Variants in GOLGA8H observed in about 807,000 individuals in gnomAD.
GOLGA8H encodes the protein golgin A8 family member H.
Under a neutral mutation model 82.7 loss-of-function variants are expected in GOLGA8H, and 47 were observed. That is an observed-to-expected ratio of 0.57 (90% CI 0.45 to 0.73). GOLGA8H has a LOEUF of 0.73. Ranked by LOEUF, GOLGA8H falls within the 30% of genes least tolerant of loss-of-function variation. The pLI is 0.00. For missense variants in GOLGA8H, 372 were observed against 661.0 expected (o/e 0.56, Z 4.79); for synonymous variants, 108 against 241.6 (o/e 0.45, Z 5.13).
At position 30,617,266 on chromosome 15, in the gene GOLGA8H, CTATT is replaced by C. The variant is rs1190129753; in HGVS notation, c.*2708_*2711del. 3.9e-5 allele frequency: 6 copies of C among 151,928 alleles called. No homozygotes were observed. Among genetic ancestry groups the C allele is most frequent in the African/African-American group, 1.5e-4 (6 of 41,324 alleles). The allele number at this position is 151,928 out of a possible 1,614,324, so 9.4% of individuals were successfully genotyped here. On this transcript the variant is annotated 3_prime_UTR_variant, in exon 19 of 19. Coordinates refer to ENST00000566740, the MANE Select transcript of GOLGA8H (RefSeq NM_001282490.2). ...ATTTCTGTAGGAAGAATCAAAACAC[CTATT>C]TAAAGATGGCAATATATAATAATCA...
intron 1 of GOLGA8H, 95 bp downstream of exon 1, chr15:30,604,268 C>G (rs1302595874): frequency 4.0e-6 from 6 of 1,488,836 alleles, no homozygotes; most frequent in South Asian, 1.2e-5. Context: ...CTGAGGCACA[C>G]TGGACTGGTC....
rs747738471 is a variant in GOLGA8H, at chr15:30,610,127, C to G, written c.786+21C>G. ...AGGAGGTGAGATCTCACCCTTCAGCCCCCCCACATTAGATAGGTCACTGGA... is the reference window on the plus strand; with the variant it reads ...AGGAGGTGAGATCTCACCCTTCAGCGCCCCCACATTAGATAGGTCACTGGA... On this transcript the variant is annotated intron_variant, in intron 10 of 18. Coordinates refer to ENST00000566740, the MANE Select transcript of GOLGA8H (RefSeq NM_001282490.2). 8 of 1,609,888 alleles carry G rather than the reference C, an allele frequency of 5.0e-6. No individual in the cohort carries two copies. The Middle Eastern group carries it at 8.5e-4, about 171-fold the overall frequency.
At position 30,610,300 on chromosome 15, in the gene GOLGA8H, A is replaced by C. The variant is rs1380472194; in HGVS notation, c.787-2A>C. On this transcript the variant is annotated splice_acceptor_variant, in intron 10 of 18. Coordinates refer to ENST00000566740, the MANE Select transcript of GOLGA8H (RefSeq NM_001282490.2). LOFTEE classifies it high-confidence loss of function. Reference sequence around the variant, plus strand: ...GGCCCTTTCCCCTTGTGCTTTGGGCAGATTTGCACATTAAAGAAAGAGAAG... The same window carrying C: ...GGCCCTTTCCCCTTGTGCTTTGGGCCGATTTGCACATTAAAGAAAGAGAAG... 6 of 1,201,306 alleles carry C rather than the reference A, an allele frequency of 5.0e-6. No homozygotes were observed. The South Asian group carries it at 6.4e-5, about 13-fold the overall frequency. 74.4% of individuals were successfully genotyped at this position (1,201,306 alleles called of 1,614,324 possible).
rs1335366710 is a variant in GOLGA8H at position 30,615,547 on chromosome 15, T to C, written c.*986T>C. Among the ~76,000 whole-genome samples the C allele has an allele frequency of 6.7e-6, 1 of 149,130 alleles. No homozygotes were observed. Reference sequence around the variant, plus strand: ...TACACAAAAGGGCACTGGTTGGCATTCTTCTTAATGTATTTAGTGAAGATC... The same window carrying C: ...TACACAAAAGGGCACTGGTTGGCATCCTTCTTAATGTATTTAGTGAAGATC... On this transcript the variant is annotated 3_prime_UTR_variant, in exon 19 of 19. Coordinates refer to ENST00000566740, the MANE Select transcript of GOLGA8H (RefSeq NM_001282490.2).
At chr15:30,606,247 C>G (rs965262489) in intron 2 of GOLGA8H, among the ~76,000 whole-genome samples, 3 of 151,186 alleles carry the variant, frequency 2.0e-5, no homozygotes, top group East Asian at 1.9e-4. Flanking sequence ...CCCAGCTACT[C>G]AGAAGGCTGA....
Position 30,615,165 on chromosome 15 carries a change from AT to A in GOLGA8H, c.*605del, listed in dbSNP as rs776280152. On this transcript the variant is annotated 3_prime_UTR_variant, in exon 19 of 19. Transcript: ENST00000566740. ...TTTCTGTGTATTGGTGATGGGAGTG[AT>A]AACCTTTTGGGGGAGCTTTTTAAAT... Among the ~76,000 whole-genome samples, 1 of 150,584 alleles carries A rather than the reference AT, an allele frequency of 6.6e-6. No individual in the cohort carries two copies. The highest frequency in any genetic ancestry group is 2.4e-5 in the African/African-American group (1 of 41,278).
rs561782387 is a variant in GOLGA8H, at chr15:30,608,697, G to C, written c.532G>C (p.Gly178Arg). The change falls in exon 8 of 19, where the codon GGA becomes CGA. Residue 178 changes from glycine to arginine, a missense_variant. Coordinates refer to ENST00000566740, the MANE Select transcript of GOLGA8H (RefSeq NM_001282490.2). Reference sequence around the variant, plus strand: ...CCTGCAACATTCATTGCAGCGTAAAGGAGAGTTAGAGAGTGTTCTCTCTAA... The same window carrying C: ...CCTGCAACATTCATTGCAGCGTAAACGAGAGTTAGAGAGTGTTCTCTCTAA... The part of the protein sequence containing the change: ...VCLQHSLQRK[G>R]ELESVLSNVM... The C allele has an allele frequency of 5.2e-6, 8 of 1,545,264 alleles. 1 individual carries two copies. Among genetic ancestry groups the C allele is most frequent in the African/African-American group, 1.4e-5 (1 of 70,860 alleles).
rs555743772 is a variant in GOLGA8H at position 30,609,862 on chromosome 15, G to A, written c.648G>A (p.Glu216=). 204 of 1,601,134 alleles carry A rather than the reference G, an allele frequency of 1.3e-4. 4 individuals are homozygous for A. The highest frequency in any genetic ancestry group is 7.5e-4 in the South Asian group (68 of 90,746). The part of the protein sequence containing the change: ...TEWKLEQSMR[E]EALLKVQLTQ... ...GGAAGTTAGAGCAGTCCATGCGGGA[G>A]GAGGCACTACTGAAAGTGCAGCTGA... The change falls in exon 9 of 19, where the codon GAG becomes GAA. Residue 216 remains glutamate, a synonymous_variant. Coordinates refer to ENST00000566740, the MANE Select transcript of GOLGA8H (RefSeq NM_001282490.2).
rs1410958858 is a variant in GOLGA8H, at chr15:30,615,119, T to G, written c.*558T>G. ...TTAGAGTTGTTTAAAGGCCAAGAAC[T>G]GGAAACAGCCTTTCCTCCATTTTCT... On this transcript the variant is annotated 3_prime_UTR_variant, in exon 19 of 19. Transcript: ENST00000566740. Among the ~76,000 whole-genome samples the G allele has an allele frequency of 6.6e-6, 1 of 151,898 alleles. No homozygotes were observed. The highest frequency in any genetic ancestry group is 1.5e-5 in the Non-Finnish European group (1 of 67,978).
In GOLGA8H at chr15:30,605,921, C is replaced by A; in HGVS notation, c.127C>A (p.Pro43Thr). ...NRNRKTNGSV[P>T]EKATSGGCQP... is the part of the protein sequence containing the mutation. The stretch of plus-strand genomic sequence containing the variant: ...GAACAGGAAAACAAATGGCAGTGTC[C>A]CTGAGAAAGCCACTTCTGGTGGTTG... The change falls in exon 2 of 19, where the codon CCT becomes ACT. Residue 43 changes from proline to threonine, a missense_variant. Physicochemically the swap from Pro to Thr is conservative, Grantham distance 38. Coordinates refer to ENST00000566740, the MANE Select transcript of GOLGA8H (RefSeq NM_001282490.2). The A allele has an allele frequency of 6.3e-7, 1 of 1,595,422 alleles. No homozygotes were observed. Among genetic ancestry groups the A allele is most frequent in the Non-Finnish European group, 8.5e-7 (1 of 1,176,882 alleles).
At chr15:30,606,079 G>C in intron 2 of GOLGA8H, 117 bp downstream of exon 2, 1 of 1,490,214 alleles carries the variant, frequency 6.7e-7, no homozygotes, top group Non-Finnish European at 8.9e-7. Flanking sequence ...CTTTAGCCGG[G>C]TGTGGTGGCC....
chr15:30,606,529 GT>G (rs1477444384), intron 2 of GOLGA8H, among the ~76,000 whole-genome samples: 1 of 151,582 alleles, frequency 6.6e-6, no homozygotes, highest in Non-Finnish European at 1.5e-5. Context: ...TGTTATTGTT[GT>G]TTTTATGTTA....
Position 30,608,539 on chromosome 15 carries a change from A to G in GOLGA8H, c.469A>G (p.Arg157Gly), listed in dbSNP as rs1254804401. Residue 157 changes from arginine to glycine, a missense_variant, in exon 7 of 19, where the codon AGA becomes GGA. Transcript: ENST00000566740. ...CCTGTACCACATGAAACGTTCTCTCAGATACTTTGAAGGTGGGAATCTGGG... is the reference window on the plus strand; with the variant it reads ...CCTGTACCACATGAAACGTTCTCTCGGATACTTTGAAGGTGGGAATCTGGG... ...TDLYHMKRSL[R>G]YFEEKSKDLA... The G allele has an allele frequency of 6.2e-7, 1 of 1,610,394 alleles. No individual in the cohort carries two copies. Among genetic ancestry groups the G allele is most frequent in the East Asian group, 2.2e-5 (1 of 44,780 alleles).
At position 30,612,653 on chromosome 15, in the gene GOLGA8H, C is replaced by A. The variant is rs781233082; in HGVS notation, c.1257C>A (p.Leu419=). 2.5e-6 allele frequency: 4 copies of A among 1,597,102 alleles called. No homozygotes were observed. In the South Asian group the frequency reaches 4.4e-5, roughly 18 times the overall value. ...AGCAGCTAACGGCCCAGCTGAGCCTCATGGCTCTCCCTGGGGAAGGTACGG... is the reference window on the plus strand; with the variant it reads ...AGCAGCTAACGGCCCAGCTGAGCCTAATGGCTCTCCCTGGGGAAGGTACGG... ...QNQQLTAQLS[L]MALPGEGHGG... Residue 419 remains leucine (L), a synonymous_variant, in exon 14 of 19, where the codon CTC becomes CTA. Coordinates refer to ENST00000566740, the MANE Select transcript of GOLGA8H (RefSeq NM_001282490.2).
In GOLGA8H at chr15:30,616,142, G is replaced by A. The variant is rs1383464330; in HGVS notation, c.*1581G>A. Among the ~76,000 whole-genome samples, 3 of 152,022 alleles carry A rather than the reference G, an allele frequency of 2.0e-5. No individual in the cohort carries two copies. The highest frequency in any genetic ancestry group is 4.4e-5 in the Non-Finnish European group (3 of 68,004). ...ATGCATGATGAATGAATGCATTTCA[G>A]TTGTATATTGCCTAAATCGTAACTT... On this transcript the variant is annotated 3_prime_UTR_variant, in exon 19 of 19. Coordinates refer to ENST00000566740, the MANE Select transcript of GOLGA8H (RefSeq NM_001282490.2).
rs1472882592 is a variant in GOLGA8H at position 30,615,509 on chromosome 15, C to G, written c.*948C>G. On this transcript the variant is annotated 3_prime_UTR_variant, in exon 19 of 19. Coordinates refer to ENST00000566740, the MANE Select transcript of GOLGA8H (RefSeq NM_001282490.2). ...CATGTTACCTGTTTTAATCACATGACTACATGTCCCAGTACACAAAAGGGC... is the reference window on the plus strand; with the variant it reads ...CATGTTACCTGTTTTAATCACATGAGTACATGTCCCAGTACACAAAAGGGC... Among the ~76,000 whole-genome samples the G allele has an allele frequency of 2.7e-5, 4 of 150,846 alleles. 1 individual carries two copies. Among genetic ancestry groups the G allele is most frequent in the Non-Finnish European group, 4.4e-5 (3 of 67,700 alleles).
In GOLGA8H at chr15:30,607,653, C is replaced by T; in HGVS notation, c.310-377C>T. The T allele has an allele frequency of 6.2e-6, 3 of 485,166 alleles. 1 individual carries two copies. The highest frequency in any genetic ancestry group is 1.1e-5 in the Non-Finnish European group (3 of 269,318). The allele number at this position is 485,166 out of a possible 1,614,324, so 30.1% of individuals were successfully genotyped here. The stretch of plus-strand genomic sequence containing the variant: ...CTAAGGGCTCCTGTCTGTCCTTTTC[C>T]ATCCTATATCTGCTGTAAAGAACCG... On this transcript the variant is annotated intron_variant, in intron 4 of 18. Transcript: ENST00000566740.
In GOLGA8H at chr15:30,610,116, C is replaced by G. The variant is rs1808482; in HGVS notation, c.786+10C>G. 1,255 of 1,608,530 alleles carry G rather than the reference C, an allele frequency of 7.8e-4. 33 individuals are homozygous for G. In the East Asian group the frequency reaches 0.013, roughly 17 times the overall value. Reference sequence around the variant, plus strand: ...AAAAATGTCGCAGGAGGTGAGATCTCACCCTTCAGCCCCCCCACATTAGAT... The same window carrying G: ...AAAAATGTCGCAGGAGGTGAGATCTGACCCTTCAGCCCCCCCACATTAGAT... On this transcript the variant is annotated intron_variant, in intron 10 of 18. Coordinates refer to ENST00000566740, the MANE Select transcript of GOLGA8H (RefSeq NM_001282490.2).
At chr15:30,607,744 C>A in intron 4 of GOLGA8H, 1 of 604,704 alleles carries the variant, frequency 1.7e-6, no homozygotes, top group East Asian at 2.9e-5. Context: ...TCACAAGTTG[C>A]CAGAAGGAGG....
Sources: gnomAD v4.1 joint callset for allele counts (sites outside exome capture counted in the v4.1 genomes callset) on GRCh38, gnomAD v4.1.1 for gene constraint, MANE v1.5 for transcripts, NCBI Gene and HGNC (gene_info 2026-07-23, HGNC 2026-07-21) for gene names.